XPO1: variants seen among roughly 807,000 people sequenced by gnomAD.
XPO1 encodes exportin-1.
XPO1 carries 5 observed loss-of-function variants against 133.3 expected under a neutral mutation model. The ratio of observed to expected loss-of-function variants is 0.04; its 90% CI spans 0.02 to 0.08. The LOEUF is 0.08. XPO1 is among the 10% of genes least tolerant of loss of function. The probability of loss-of-function intolerance (pLI) is 1.00; values close to 1 mark genes in which losing one functional copy is unlikely to be tolerated. For synonymous variants in XPO1, 419 were observed against 408.2 expected, an observed-to-expected ratio of 1.03 and a Z score of -0.32; for missense variants, 506 against 1,267.5, an observed-to-expected ratio of 0.40 and a Z score of 9.12.
intron 4 of XPO1, 70 bp downstream of exon 4, chr2:61,522,541 C>CAA: frequency 7.4e-7 from 1 of 1,360,388 alleles, no homozygotes; most frequent in East Asian, 2.3e-5. Context: ...CATGCCCCCT[C>CAA]AAACAGTCAA....
chr2:61,532,058 C>CT (rs1199355513), intron 2 of XPO1, among the ~76,000 whole-genome samples: 1 of 152,152 alleles, frequency 6.6e-6, no homozygotes, highest in Non-Finnish European at 1.5e-5. Flanking sequence ...AAAGATAGTA[C>CT]TGTATCCACC....
rs979164812 is a variant in XPO1 at position 61,484,018 on chromosome 2, T to C, written c.2596A>G (p.Ile866Val). The part of the protein sequence containing the change: ...NSHCFPAFLA[I>V]PPTQFKLVLD... Reference sequence around the variant, plus strand: ...ACAAGTTTAAACTGTGTAGGTGGAATAGCAAGGAATGCTGGGAAACAATGA... The same window carrying C: ...ACAAGTTTAAACTGTGTAGGTGGAACAGCAAGGAATGCTGGGAAACAATGA... The change falls in exon 21 of 25, where the codon ATT (isoleucine) becomes GTT (valine). Residue 866 changes from isoleucine (I) to valine (V), a missense_variant. Ile to Val is a conservative substitution (Grantham distance 29). Coordinates refer to ENST00000401558, the MANE Select transcript of XPO1 (RefSeq NM_003400.4). 4 of 1,613,790 alleles carry C rather than the reference T, an allele frequency of 2.5e-6. No individual in the cohort carries two copies. Among genetic ancestry groups the C allele is most frequent in the Admixed American group, 3.3e-5 (2 of 59,988 alleles).
chr2:61,485,483 C>CCCA (rs1312388614), intron 20 of XPO1: 1 of 168,140 alleles, frequency 5.9e-6, no homozygotes, highest in Admixed American at 6.4e-5. Flanking sequence ...ACCCCCCCCC[C>CCCA]CACTTCAGCC....
At chr2:61,483,161 A>C in intron 21 of XPO1, 70 bp from the exon 22 acceptor site, 3 of 1,503,494 alleles carry the variant, frequency 2.0e-6, no homozygotes, top group Non-Finnish European at 1.8e-6. Flanking sequence ...TTTAGCTCTT[A>C]TCAAAGTATT....
intron 1 of XPO1, 144 bp from the exon 2 acceptor site, chr2:61,534,047 G>C: frequency 1.3e-6 from 1 of 743,448 alleles, no homozygotes; most frequent in Non-Finnish European, 1.9e-6. Context: ...AACTGAGATA[G>C]TAAAAGCAAG....
rs1697036264 is a variant in XPO1, at chr2:61,492,265, A to G, written c.1723+60T>C. ...ATCATGGGTCTCTAACAAGACAAAA[A>G]CATTCATTTATTTTCTTCAATAAAA... On this transcript the variant is annotated intron_variant, in intron 15 of 24. Coordinates refer to ENST00000401558, the MANE Select transcript of XPO1 (RefSeq NM_003400.4). The surrounding 1 kb of genome is among the most constrained non-coding windows in gnomAD (Gnocchi z 5.6). The G allele has an allele frequency of 1.3e-6, 2 of 1,585,254 alleles. No homozygotes were observed. Among genetic ancestry groups the G allele is most frequent in the East Asian group, 2.2e-5 (1 of 44,744 alleles).
intron 17 of XPO1, among the ~76,000 whole-genome samples, chr2:61,490,238 G>A (rs1696910642): frequency 7.0e-6 from 1 of 142,220 alleles, no homozygotes; most frequent in Non-Finnish European, 1.5e-5. Context: ...TTGCTCTGTC[G>A]TCTCGGCTAG....
intron 6 of XPO1, among the ~76,000 whole-genome samples, chr2:61,500,694 G>C (rs1409785836): frequency 6.6e-6 from 1 of 152,060 alleles, no homozygotes; most frequent in African/African-American, 2.4e-5. Context: ...AGCTACTGGG[G>C]AGGCCAAGGC....
Position 61,493,934 on chromosome 2 carries a change from ACAT to A in XPO1, c.1202_1204del (p.Asp401del). ...CAAATATAGCTGTCTCCTGGGAGGA[ACAT>A]CAAAATGTTGACTTCCAGAAAGCAA... On this transcript the variant is annotated inframe_deletion, in exon 12 of 25. Transcript: ENST00000401558. 1 of 1,614,152 alleles carries A rather than the reference ACAT, an allele frequency of 6.2e-7. No individual in the cohort carries two copies. The highest frequency in any genetic ancestry group is 8.5e-7 in the Non-Finnish European group (1 of 1,180,006).
chr2:61,491,914 G>C lies in XPO1; in HGVS notation c.1887+121C>G, dbSNP rs899387557. ...GACCCTGTCTCAAGGAAAAAAGAAA[G>C]AAAATTTAATCAGAAACACTTCTAT... On this transcript the variant is annotated intron_variant, in intron 16 of 24. Coordinates refer to ENST00000401558, the MANE Select transcript of XPO1 (RefSeq NM_003400.4). 3.1e-6 allele frequency: 4 copies of C among 1,276,982 alleles called. No individual in the cohort carries two copies. The African/African-American group carries it at 6.0e-5, about 19-fold the overall frequency. 79.1% of individuals were successfully genotyped at this position (1,276,982 alleles called of 1,614,324 possible).
intron 4 of XPO1, among the ~76,000 whole-genome samples, chr2:61,519,080 A>T (rs2104712831): frequency 6.6e-6 from 1 of 152,186 alleles, no homozygotes; most frequent in African/African-American, 2.4e-5. Context: ...CCTCCTGAGT[A>T]GCTGGGATTA....
At chr2:61,532,566 G>A (rs534191396) in intron 2 of XPO1, among the ~76,000 whole-genome samples, 5 of 152,052 alleles carry the variant, frequency 3.3e-5, no homozygotes, top group South Asian at 4.2e-4. Context: ...GGCCAGGCGC[G>A]GTGGCTCATG....
At chr2:61,511,629 C>T (rs942143889) in intron 4 of XPO1, among the ~76,000 whole-genome samples, 2 of 152,212 alleles carry the variant, frequency 1.3e-5, no homozygotes, top group African/African-American at 4.8e-5. Context: ...CCTGGCTGAT[C>T]TCAAATTTCT....
intron 4 of XPO1, among the ~76,000 whole-genome samples, chr2:61,513,672 T>C (rs2104645519): frequency 6.6e-6 from 1 of 152,176 alleles, no homozygotes; most frequent in Admixed American, 6.6e-5. Context: ...CAAAGATTTC[T>C]TGAATACAAC....
intron 2 of XPO1, among the ~76,000 whole-genome samples, chr2:61,529,782 A>G (rs1699073979): frequency 1.3e-5 from 2 of 152,140 alleles, no homozygotes; most frequent in South Asian, 4.1e-4. Context: ...TATCCCATAC[A>G]TCAATCAGGA....
intron 3 of XPO1, chr2:61,526,168 C>G (rs10190123): frequency 7.8e-7 from 1 of 1,284,400 alleles, no homozygotes; most frequent in African/African-American, 1.5e-5. Context: ...TATACATATA[C>G]TAAAAAGAAA....
At chr2:61,506,418 G>A (rs1573167293) in intron 4 of XPO1, among the ~76,000 whole-genome samples, 1 of 151,294 alleles carries the variant, frequency 6.6e-6, no homozygotes, top group East Asian at 1.9e-4. Context: ...GCAAGACTCC[G>A]TCTCAAAAAC....
intron 3 of XPO1, among the ~76,000 whole-genome samples, chr2:61,523,041 C>T (rs943311342): frequency 6.6e-6 from 1 of 152,342 alleles, no homozygotes; most frequent in East Asian, 1.9e-4. Context: ...GGCTCACGTA[C>T]TTTAACACGA....
intron 4 of XPO1, among the ~76,000 whole-genome samples, chr2:61,508,769 T>G (rs1697945577): frequency 6.6e-6 from 1 of 152,236 alleles, no homozygotes; most frequent in South Asian, 2.1e-4. Flanking sequence ...AACTCAATCT[T>G]CAAGTCATAG....
Sources: gnomAD v4.1 joint callset for allele counts (sites outside exome capture counted in the v4.1 genomes callset) on GRCh38, gnomAD v4.1.1 for gene constraint, Gnocchi (gnomAD v3.1) non-coding constraint, MANE v1.5 for transcripts, NCBI Gene and HGNC (gene_info 2026-07-23, HGNC 2026-07-21) for gene names.